Variants in GABBR2 observed in about 807,000 individuals in gnomAD.
GABBR2 encodes gamma-aminobutyric acid type B receptor subunit 2.
Under a neutral mutation model 105.6 loss-of-function variants are expected in GABBR2, and 23 were observed. That is an observed-to-expected ratio of 0.22 (90% CI 0.16 to 0.31). GABBR2 has a LOEUF of 0.31. Among genes scored for constraint, GABBR2 ranks in the 10% least tolerant of loss-of-function variants. GABBR2 has a pLI of 1.00. For missense variants in GABBR2, 734 were observed against 1,245.5 expected, an observed-to-expected ratio of 0.59 and a Z score of 6.18; for synonymous variants, 478 against 499.7, an observed-to-expected ratio of 0.96 and a Z score of 0.58.
At chr9:98,663,284 C>T (rs919530367) in intron 1 of GABBR2, among the ~76,000 whole-genome samples, 22 of 151,966 alleles carry the variant, frequency 1.4e-4, no homozygotes, top group Admixed American at 1.4e-3. Flanking sequence ...GCAGAGGGTA[C>T]TGGAGGAAAG....
Position 98,388,580 on chromosome 9 carries a change from T to C in GABBR2, c.1529+274A>G, listed in dbSNP as rs984136676. On this transcript the variant is annotated intron_variant, in intron 10 of 18. Transcript: ENST00000259455. The surrounding 1 kb of genome is among the most constrained non-coding windows in gnomAD (Gnocchi z 4.4). ...TCGATTTTATTTAACTTCCTCAAAC[T>C]TATTTGACTAAACTCCTGTGCAACC... Among the ~76,000 whole-genome samples, 1 of 151,706 alleles carries C rather than the reference T, an allele frequency of 6.6e-6. No individual in the cohort carries two copies. The highest frequency in any genetic ancestry group is 2.4e-5 in the African/African-American group (1 of 41,268).
At chr9:98,525,637 C>T (rs1016126193) in intron 3 of GABBR2, among the ~76,000 whole-genome samples, 4 of 152,128 alleles carry the variant, frequency 2.6e-5, no homozygotes, top group African/African-American at 7.2e-5. Flanking sequence ...CGTAGAGTTA[C>T]CAAATGACCC....
At chr9:98,667,409 G>A (rs1335724744) in intron 1 of GABBR2, among the ~76,000 whole-genome samples, 2 of 152,200 alleles carry the variant, frequency 1.3e-5, no homozygotes, top group Admixed American at 6.5e-5. Flanking sequence ...GCTGGGCACC[G>A]CTACCCCAGC....
chr9:98,354,843 C>T (rs1445836697), intron 13 of GABBR2, among the ~76,000 whole-genome samples: 1 of 152,176 alleles, frequency 6.6e-6, no homozygotes, highest in Non-Finnish European at 1.5e-5. Flanking sequence ...TTTTAATTCC[C>T]TTCAAGAATT....
intron 1 of GABBR2, among the ~76,000 whole-genome samples, chr9:98,619,559 A>G (rs971575890): frequency 1.3e-5 from 2 of 152,212 alleles, no homozygotes; most frequent in African/African-American, 4.8e-5. Context: ...CTGATTTTTC[A>G]ATATTGATTT....
chr9:98,708,111 C>T (rs1830924658), intron 1 of GABBR2, among the ~76,000 whole-genome samples: 1 of 152,208 alleles, frequency 6.6e-6, no homozygotes, highest in Non-Finnish European at 1.5e-5. Context: ...GGGTCCAGCC[C>T]CCACCTTCTC....
intron 1 of GABBR2, among the ~76,000 whole-genome samples, chr9:98,684,532 T>C (rs1376423750): frequency 3.3e-5 from 5 of 152,150 alleles, no homozygotes; most frequent in Admixed American, 3.3e-4. Context: ...GGTCCAACCA[T>C]CAGTGGTGAC....
intron 8 of GABBR2, among the ~76,000 whole-genome samples, chr9:98,396,962 T>C (rs1293638314): frequency 6.6e-6 from 1 of 152,182 alleles, no homozygotes; most frequent in Non-Finnish European, 1.5e-5. Context: ...TTAATGCTCA[T>C]GGCAAACCAT....
intron 1 of GABBR2, among the ~76,000 whole-genome samples, chr9:98,588,414 A>G (rs1368703147): frequency 6.6e-6 from 1 of 152,240 alleles, no homozygotes; most frequent in African/African-American, 2.4e-5. Context: ...TGAAGTGTTA[A>G]ATTTAGAAAC....
intron 7 of GABBR2, among the ~76,000 whole-genome samples, chr9:98,418,737 C>T (rs1017896847): frequency 4.6e-5 from 7 of 152,152 alleles, no homozygotes; most frequent in Non-Finnish European, 4.4e-5. Flanking sequence ...GAGGGTGATG[C>T]CTACAGAGTT....
rs1434682422 is a variant in GABBR2 at position 98,695,169 on chromosome 9, AG to A, written c.321+13247del. Among the ~76,000 whole-genome samples the A allele has an allele frequency of 4.6e-5, 7 of 152,188 alleles. No individual in the cohort carries two copies. In the South Asian group the frequency reaches 6.2e-4, roughly 13 times the overall value. On this transcript the variant is annotated intron_variant, in intron 1 of 18. Transcript: ENST00000259455. ...ATCACTCATGCGAAACACATTTGCA[AG>A]GCACCAGGGGCTGTGCTGGGTGCTC...
intron 13 of GABBR2, among the ~76,000 whole-genome samples, chr9:98,312,748 T>C (rs774572387): frequency 3.3e-5 from 5 of 152,234 alleles, no homozygotes; most frequent in Non-Finnish European, 5.9e-5. Flanking sequence ...TTTATTTATG[T>C]ATATCAGTAT....
chr9:98,471,247 T>G (rs1826668947), intron 6 of GABBR2, among the ~76,000 whole-genome samples: 1 of 152,000 alleles, frequency 6.6e-6, no homozygotes, highest in Admixed American at 6.5e-5. Context: ...AGGGATTGGG[T>G]CTCCTGGACT....
chr9:98,604,015 G>T (rs998128766), intron 1 of GABBR2, among the ~76,000 whole-genome samples: 2 of 152,188 alleles, frequency 1.3e-5, no homozygotes, highest in Non-Finnish European at 2.9e-5. Context: ...TGTTTGGCTG[G>T]GTTTTGACAG....
At chr9:98,502,084 C>T (rs1241297270) in intron 3 of GABBR2, among the ~76,000 whole-genome samples, 1 of 152,170 alleles carries the variant, frequency 6.6e-6, no homozygotes, top group South Asian at 2.1e-4. Flanking sequence ...TCCGTCCACA[C>T]ACTAGACATG....
intron 6 of GABBR2, among the ~76,000 whole-genome samples, chr9:98,466,328 C>T (rs1308676005): frequency 6.6e-6 from 1 of 152,228 alleles, no homozygotes; most frequent in Non-Finnish European, 1.5e-5. Context: ...AGAATGGTTA[C>T]ATCTGGCAGT....
intron 13 of GABBR2, among the ~76,000 whole-genome samples, chr9:98,344,739 G>C (rs568301191): frequency 1.1e-4 from 16 of 151,978 alleles, no homozygotes; most frequent in African/African-American, 3.9e-4. Flanking sequence ...AGTGATTCCC[G>C]GGGCTCCTAT....
intron 1 of GABBR2, chr9:98,606,687 T>G (rs1829427374): frequency 1.1e-5 from 2 of 190,290 alleles, no homozygotes; most frequent in Admixed American, 5.5e-5. Context: ...TCCATGTTGG[T>G]CAGGCTGGTC....
intron 6 of GABBR2, among the ~76,000 whole-genome samples, chr9:98,463,661 A>G (rs2779594): frequency 0.53 from 79,462 of 151,054 alleles, 21,082 homozygotes; most frequent in Non-Finnish European, 0.56. Flanking sequence ...CTCTTTCTAC[A>G]GTCTCCCTCT....
Sources: allele counts gnomAD v4.1 joint callset (sites outside exome capture counted in the v4.1 genomes callset), GRCh38; gene constraint gnomAD v4.1.1; non-coding constraint Gnocchi (gnomAD v3.1); transcripts MANE v1.5; gene names NCBI Gene and HGNC (gene_info 2026-07-23, HGNC 2026-07-21).